The following GPBP1 variants were observed in gnomAD, a reference collection of about 807,000 sequenced individuals.
GPBP1 encodes the protein vasculin.
A neutral mutation model predicts 56.5 loss-of-function variants in GPBP1; 13 were observed. That is an observed-to-expected ratio of 0.23 (90% confidence interval 0.15 to 0.37). The LOEUF is 0.37. GPBP1 is among the 10% of genes least tolerant of loss of function. The probability of loss-of-function intolerance (pLI) is 1.00; values close to 1 mark genes in which losing one functional copy is unlikely to be tolerated. For missense variants in GPBP1, 477 were observed against 572.3 expected (o/e 0.83, Z 1.70); for synonymous variants, 204 against 188.9 (o/e 1.08, Z -0.66).
At chr5:57,251,406 T>C (rs1456056820) in intron 10 of GPBP1, among the ~76,000 whole-genome samples, 3 of 152,190 alleles carry the variant, frequency 2.0e-5, no homozygotes, top group Non-Finnish European at 4.4e-5. Flanking sequence ...TGGAATAATA[T>C]AGTATGTGAT....
At chr5:57,260,358 C>T (rs552174508) in intron 10 of GPBP1, among the ~76,000 whole-genome samples, 1 of 152,274 alleles carries the variant, frequency 6.6e-6, no homozygotes, top group South Asian at 2.1e-4. Flanking sequence ...TTTCTTGTTT[C>T]CTTGGGGTAT....
intron 8 of GPBP1, among the ~76,000 whole-genome samples, chr5:57,248,346 A>G (rs1258849095): frequency 6.6e-6 from 1 of 151,992 alleles, no homozygotes; most frequent in Non-Finnish European, 1.5e-5. Context: ...TCTAGTGTCA[A>G]AGGACACCCA....
intron 2 of GPBP1, among the ~76,000 whole-genome samples, chr5:57,199,220 A>C (rs1754893220): frequency 6.6e-6 from 1 of 152,200 alleles, no homozygotes; most frequent in Non-Finnish European, 1.5e-5. Flanking sequence ...AACTAGCGAT[A>C]TTCTTGTTTT....
chr5:57,245,312 G>C (rs1025573527), intron 6 of GPBP1, among the ~76,000 whole-genome samples: 1 of 152,084 alleles, frequency 6.6e-6, no homozygotes, highest in African/African-American at 2.4e-5. Context: ...CACCATACCG[G>C]CTTTATCTTT....
At chr5:57,193,727 G>GCTTGGGATGATTGGT (rs946042420) in intron 2 of GPBP1, among the ~76,000 whole-genome samples, 26 of 151,818 alleles carry the variant, frequency 1.7e-4, no homozygotes, top group South Asian at 4.2e-4. Flanking sequence ...TGTTTCCTGT[G>GCTTGGGATGATTGGT]CTTGGGATGA....
chr5:57,225,187 G>A (rs1756125830), intron 3 of GPBP1, among the ~76,000 whole-genome samples: 1 of 152,076 alleles, frequency 6.6e-6, no homozygotes, highest in African/African-American at 2.4e-5. Context: ...CGCCGGGCAC[G>A]GTAGCTCATG....
chr5:57,214,763 C>G (rs963269353), intron 3 of GPBP1, among the ~76,000 whole-genome samples: 1 of 152,032 alleles, frequency 6.6e-6, no homozygotes, highest in Admixed American at 6.6e-5. Context: ...TCAAGCGATT[C>G]TTCTGCCTCA....
At chr5:57,218,459 G>T (rs1039816708) in intron 3 of GPBP1, among the ~76,000 whole-genome samples, 1 of 152,166 alleles carries the variant, frequency 6.6e-6, no homozygotes, top group Non-Finnish European at 1.5e-5. Context: ...TGAGGTATTA[G>T]GTGAGGGGAG....
At chr5:57,220,631 T>C (rs1755915873) in intron 3 of GPBP1, among the ~76,000 whole-genome samples, 1 of 152,120 alleles carries the variant, frequency 6.6e-6, no homozygotes, top group Admixed American at 6.6e-5. Flanking sequence ...AGCTGATTTT[T>C]GTATTTTTAG....
intron 3 of GPBP1, among the ~76,000 whole-genome samples, chr5:57,216,211 T>C (rs1411515232): frequency 6.6e-6 from 1 of 152,054 alleles, no homozygotes; most frequent in Non-Finnish European, 1.5e-5. Flanking sequence ...ACTTCTTCAG[T>C]TGGAATTGGA....
intron 3 of GPBP1, among the ~76,000 whole-genome samples, chr5:57,218,600 G>T (rs1472855055): frequency 1.3e-5 from 2 of 152,170 alleles, no homozygotes; most frequent in Non-Finnish European, 1.5e-5. Context: ...GATTTTTCCT[G>T]TTACTGGCCC....
chr5:57,231,531 CCAAAGTGCTGG>C (rs1756459876), intron 5 of GPBP1, among the ~76,000 whole-genome samples: 1 of 152,150 alleles, frequency 6.6e-6, no homozygotes, highest in South Asian at 2.1e-4. Context: ...CCTCAGCCTC[CCAAAGTGCTGG>C]GATTACAGCC....
Position 57,212,664 on chromosome 5 carries a change from C to CT in GPBP1, c.-57-1403dup, listed in dbSNP as rs891361192. Among the ~76,000 whole-genome samples, 58 of 147,766 alleles carry CT rather than the reference C, an allele frequency of 3.9e-4. 2 individuals carry two copies. The South Asian group carries it at 0.012, about 32-fold the overall frequency. On this transcript the variant is annotated intron_variant, in intron 2 of 11. Transcript: ENST00000506184. ...TACTCTTAACCTTTCTTTTCTTTTT[C>CT]TTTTTTTCTTTTTTTTTTTTTTGAG...
chr5:57,218,970 C>T (rs78320757), intron 3 of GPBP1, among the ~76,000 whole-genome samples: 1 of 152,280 alleles, frequency 6.6e-6, no homozygotes, highest in East Asian at 1.9e-4. Context: ...TTTCACATAG[C>T]TGATTAGTGT....
At chr5:57,188,108 A>G (rs187132007) in intron 2 of GPBP1, among the ~76,000 whole-genome samples, 128 of 151,878 alleles carry the variant, frequency 8.4e-4, no homozygotes, top group Non-Finnish European at 1.6e-3. Context: ...ACTGGGCATG[A>G]TTGTGCACGC....
intron 10 of GPBP1, among the ~76,000 whole-genome samples, chr5:57,259,466 C>G (rs1320547188): frequency 6.6e-6 from 1 of 152,166 alleles, no homozygotes; most frequent in Non-Finnish European, 1.5e-5. Flanking sequence ...ACTATTAACT[C>G]TGTTTTTCAA....
intron 2 of GPBP1, among the ~76,000 whole-genome samples, chr5:57,197,898 A>G (rs1754836738): frequency 6.6e-6 from 1 of 152,036 alleles, no homozygotes; most frequent in African/African-American, 2.4e-5. Context: ...GGCAATAAAA[A>G]GTTGTTTGAG....
At chr5:57,260,311 A>C (rs1457040656) in intron 10 of GPBP1, among the ~76,000 whole-genome samples, 1 of 152,146 alleles carries the variant, frequency 6.6e-6, no homozygotes, top group African/African-American at 2.4e-5. Context: ...CTTCAGAATC[A>C]CCTCATCTTT....
Position 57,251,115 on chromosome 5 carries a change from T to A in GPBP1, c.1134T>A (p.Leu378=). ...RSSTFPQTDV[L]SSSLEAEHRL... ...CAACCTTCCCACAAACTGATGTTCT[T>A]TCAAGTTCACTTGAGGCAGAACACA... Residue 378 remains leucine (L), a synonymous_variant, in exon 10 of 12, where the codon CTT becomes CTA. Coordinates refer to ENST00000506184, the MANE Select transcript of GPBP1 (RefSeq NM_022913.4). 6.2e-7 allele frequency: 1 copy of A among 1,610,138 alleles called. No homozygotes were observed.
Sources: allele counts gnomAD v4.1 joint callset (sites outside exome capture counted in the v4.1 genomes callset), GRCh38; gene constraint gnomAD v4.1.1; transcripts MANE v1.5; gene names NCBI Gene and HGNC (gene_info 2026-07-23, HGNC 2026-07-21).